MAP2K4: variants seen among roughly 807,000 people sequenced by gnomAD.
The protein encoded by MAP2K4 is mitogen-activated protein kinase kinase 4, also known as dual specificity mitogen-activated protein kinase kinase 4.
MAP2K4 carries 4 observed loss-of-function variants against 48.5 expected under a neutral mutation model. The ratio of observed to expected loss-of-function variants is 0.08; its 90% CI spans 0.04 to 0.19. The LOEUF (loss-of-function observed/expected upper bound fraction) is 0.19. Ranked by LOEUF, MAP2K4 falls within the 10% of genes least tolerant of loss-of-function variation. The pLI, the probability that MAP2K4 is intolerant of heterozygous loss-of-function variation, is 1.00. For missense variants in MAP2K4, 258 were observed against 493.3 expected (o/e 0.52, Z 4.52); for synonymous variants, 166 against 173.1 (o/e 0.96, Z 0.32).
chr17:12,064,325 C>T (rs891181738), intron 2 of MAP2K4, among the ~76,000 whole-genome samples: 2 of 152,064 alleles, frequency 1.3e-5, no homozygotes, highest in South Asian at 2.1e-4. Flanking sequence ...TAAGTGATCC[C>T]CCTGCCTCGG....
At chr17:12,117,568 G>A (rs1471123494) in intron 7 of MAP2K4, among the ~76,000 whole-genome samples, 1 of 151,502 alleles carries the variant, frequency 6.6e-6, no homozygotes, top group Non-Finnish European at 1.5e-5. Flanking sequence ...CCTCACATGG[G>A]GCCAAGACCT....
In MAP2K4 at chr17:12,113,001, G is replaced by A. The variant is rs980012609; in HGVS notation, c.686-232G>A. 2.4e-5 allele frequency: 8 copies of A among 327,492 alleles called. No homozygotes were observed. The Admixed American group carries it at 3.4e-4, about 14-fold the overall frequency. 20.3% of individuals were successfully genotyped at this position (327,492 alleles called of 1,614,324 possible). A position where few individuals can be genotyped will look rare whatever the true frequency, so the allele number is the denominator to read the frequency against. ...CTATATCTTACAGATTAATGTTTGT[G>A]AAATGACTTTTGCTGTTACATTTAC... On this transcript the variant is annotated intron_variant, in intron 6 of 10. Transcript: ENST00000353533.
At chr17:12,086,572 G>A (rs571366935) in intron 3 of MAP2K4, among the ~76,000 whole-genome samples, 2 of 152,192 alleles carry the variant, frequency 1.3e-5, no homozygotes, top group African/African-American at 4.8e-5. Flanking sequence ...TCGGGGTTAT[G>A]TGAGGGTGGG....
intron 4 of MAP2K4, among the ~76,000 whole-genome samples, chr17:12,101,760 C>T (rs1971945774): frequency 6.6e-6 from 1 of 151,856 alleles, no homozygotes; most frequent in Non-Finnish European, 1.5e-5. Context: ...CTAGAGTTGC[C>T]CTTAAGTGTA....
intron 2 of MAP2K4, among the ~76,000 whole-genome samples, chr17:12,057,215 CAAATT>C (rs1325365317): frequency 6.6e-6 from 1 of 152,032 alleles, no homozygotes; most frequent in African/African-American, 2.4e-5. Context: ...GATTGAATGT[CAAATT>C]AAAGGTGTAC....
chr17:12,118,967 T>C (rs567546513), intron 7 of MAP2K4, among the ~76,000 whole-genome samples: 12 of 152,220 alleles, frequency 7.9e-5, no homozygotes, highest in Non-Finnish European at 1.8e-4. Context: ...ATGCAAAAAA[T>C]ACATCTTTAG....
At chr17:12,132,984 C>T (rs1973080588) in intron 9 of MAP2K4, among the ~76,000 whole-genome samples, 1 of 152,116 alleles carries the variant, frequency 6.6e-6, no homozygotes. Flanking sequence ...TATAGAAATT[C>T]TAGTTACTTA....
intron 7 of MAP2K4, 170 bp from the exon 8 acceptor site, chr17:12,125,124 T>C (rs1972815186): frequency 1.7e-6 from 1 of 584,270 alleles, no homozygotes; most frequent in Non-Finnish European, 3.1e-6. Flanking sequence ...AAGTTTTTTG[T>C]TGTTTGTTTT....
At chr17:12,111,153 G>A (rs748957514) in intron 6 of MAP2K4, among the ~76,000 whole-genome samples, 1 of 152,270 alleles carries the variant, frequency 6.6e-6, no homozygotes, top group Non-Finnish European at 1.5e-5. Flanking sequence ...ACAGTAAGTG[G>A]CAGTGTGTGA....
At chr17:12,023,392 A>C (rs1254653187) in intron 1 of MAP2K4, among the ~76,000 whole-genome samples, 1 of 152,166 alleles carries the variant, frequency 6.6e-6, no homozygotes, top group Non-Finnish European at 1.5e-5. Flanking sequence ...CCCATACTGT[A>C]CTTCATCTGC....
At chr17:12,056,739 C>T (rs1002708922) in intron 2 of MAP2K4, among the ~76,000 whole-genome samples, 1 of 152,054 alleles carries the variant, frequency 6.6e-6, no homozygotes, top group Non-Finnish European at 1.5e-5. Flanking sequence ...TCTCCTCTAC[C>T]TTCCCAGCCC....
intron 1 of MAP2K4, among the ~76,000 whole-genome samples, chr17:12,035,303 AGGTTG>A (rs1969558546): frequency 6.6e-6 from 1 of 152,114 alleles, no homozygotes; most frequent in African/African-American, 2.4e-5. Flanking sequence ...AGATCACCTG[AGGTTG>A]GGAGTTCAAG....
At chr17:12,032,634 G>A (rs1227123168) in intron 1 of MAP2K4, among the ~76,000 whole-genome samples, 1 of 152,070 alleles carries the variant, frequency 6.6e-6, no homozygotes, top group Admixed American at 6.6e-5. Flanking sequence ...TAAGATCGTG[G>A]TGCAGAAAGT....
At chr17:12,035,617 T>C (rs992993251) in intron 1 of MAP2K4, among the ~76,000 whole-genome samples, 1 of 152,238 alleles carries the variant, frequency 6.6e-6, no homozygotes, top group African/African-American at 2.4e-5. Context: ...GGCACACTTA[T>C]TTCTAGAATC....
intron 3 of MAP2K4, among the ~76,000 whole-genome samples, chr17:12,085,874 A>G (rs1346263273): frequency 6.6e-6 from 1 of 152,164 alleles, no homozygotes; most frequent in Non-Finnish European, 1.5e-5. Context: ...CAGGTATCAG[A>G]AAAGTATGGC....
At chr17:12,031,413 C>T (rs1270212861) in intron 1 of MAP2K4, among the ~76,000 whole-genome samples, 1 of 152,144 alleles carries the variant, frequency 6.6e-6, no homozygotes, top group Admixed American at 6.5e-5. Flanking sequence ...TGTAAGCTTA[C>T]TTCCTTCATT....
intron 7 of MAP2K4, among the ~76,000 whole-genome samples, chr17:12,121,550 G>A (rs1324504715): frequency 6.7e-6 from 1 of 149,082 alleles, no homozygotes; most frequent in Non-Finnish European, 1.5e-5. Flanking sequence ...ACTCCAGCCT[G>A]GGTGACAGAG....
chr17:12,083,390 A>C (rs1971254925), intron 3 of MAP2K4, among the ~76,000 whole-genome samples: 1 of 152,266 alleles, frequency 6.6e-6, no homozygotes, highest in South Asian at 2.1e-4. Context: ...TGACAGTTCC[A>C]GTTGGGATGC....
At chr17:12,131,007 A>G (rs1355943697) in intron 9 of MAP2K4, among the ~76,000 whole-genome samples, 1 of 152,162 alleles carries the variant, frequency 6.6e-6, no homozygotes, top group East Asian at 1.9e-4. Flanking sequence ...GGAGAAATGA[A>G]AATCTTAGGT....
Sources: gnomAD v4.1 joint callset for allele counts (sites outside exome capture counted in the v4.1 genomes callset) on GRCh38, gnomAD v4.1.1 for gene constraint, MANE v1.5 for transcripts, NCBI Gene and HGNC (gene_info 2026-07-23, HGNC 2026-07-21) for gene names.